TYW1: variants seen among roughly 807,000 people sequenced by gnomAD.
TYW1 encodes the protein S-adenosyl-L-methionine-dependent tRNA 4-demethylwyosine synthase TYW1.
In TYW1, 46 loss-of-function variants were observed where a neutral mutation model predicts 96.2. The observed-to-expected ratio is 0.48, with a 90% confidence interval of 0.38 to 0.61. The LOEUF (loss-of-function observed/expected upper bound fraction) is 0.61. TYW1 is among the 20% of genes least tolerant of loss of function. TYW1 has a pLI of 0.00. For synonymous variants in TYW1, 274 were observed against 323.0 expected (o/e 0.85, Z 1.63); for missense variants, 684 against 909.6 (o/e 0.75, Z 3.19).
chr7:67,124,953 G>A (rs372767613), intron 13 of TYW1, among the ~76,000 whole-genome samples: 1 of 151,980 alleles, frequency 6.6e-6, no homozygotes, highest in East Asian at 1.9e-4. Context: ...TCCTGCCTCA[G>A]CTCCCAAGTA....
chr7:67,238,374 T>C lies in TYW1; in HGVS notation c.2044T>C (p.Tyr682His), dbSNP rs767358481. The stretch of plus-strand genomic sequence containing the variant: ...CCGCTTCCAGGAGCTCATCCAGGAA[T>C]ATGAAGATAGTGGTGGATCAAAAAC... Reference protein sequence around the residue: ...YNRFQELIQEYEDSGGSKTFS... With the variant: ...YNRFQELIQEHEDSGGSKTFS... Residue 682 changes from tyrosine (Y) to histidine (H), a missense_variant, in exon 16 of 16, where the codon TAT (tyrosine) becomes CAT (histidine). Tyr to His is a moderately conservative substitution (Grantham distance 83). Transcript: ENST00000359626. 3.1e-6 allele frequency: 5 copies of C among 1,613,584 alleles called. No homozygotes were observed. The South Asian group carries it at 4.4e-5, about 14-fold the overall frequency.
intron 13 of TYW1, among the ~76,000 whole-genome samples, chr7:67,173,537 A>T (rs926334780): frequency 9.2e-5 from 14 of 152,184 alleles, no homozygotes; most frequent in Admixed American, 3.3e-4. Context: ...GTTAAGATTG[A>T]TTAGTAGATT....
At chr7:67,195,098 G>C in intron 14 of TYW1, 72 bp from the exon 15 acceptor site, 1 of 1,545,376 alleles carries the variant, frequency 6.5e-7, no homozygotes, top group Non-Finnish European at 8.7e-7. Context: ...AGGTTTTCCG[G>C]CTCTGAAAGT....
At chr7:67,083,271 A>C (rs931109106) in intron 10 of TYW1, among the ~76,000 whole-genome samples, 159 bp from the exon 11 acceptor site, 2 of 152,178 alleles carry the variant, frequency 1.3e-5, no homozygotes, top group Non-Finnish European at 2.9e-5. Context: ...GGGTGTCATG[A>C]TTTAAAATAA....
At chr7:67,042,869 C>G (rs977032183) in intron 7 of TYW1, among the ~76,000 whole-genome samples, 1 of 151,836 alleles carries the variant, frequency 6.6e-6, no homozygotes, top group Non-Finnish European at 1.5e-5. Flanking sequence ...TGGTGGCACA[C>G]GCCTGTAATC....
At position 67,009,630 on chromosome 7, in the gene TYW1, T is replaced by C. The variant is rs773619559; in HGVS notation, c.321T>C (p.Pro107=). The part of the protein sequence containing the change: ...LAEAVTSLDL[P]VAIINLKEYD... ...AAGCAGTTACATCCCTGGATCTGCC[T>C]GTGGCCATTATTAATCTAAAAGAAT... The change falls in exon 4 of 16, where the codon CCT becomes CCC. Residue 107 remains proline, a synonymous_variant. Transcript: ENST00000359626. 3 of 1,612,628 alleles carry C rather than the reference T, an allele frequency of 1.9e-6. No individual in the cohort carries two copies. The highest frequency in any genetic ancestry group is 2.2e-5 in the South Asian group (2 of 90,342).
chr7:67,073,730 C>G (rs1030129920), intron 10 of TYW1, among the ~76,000 whole-genome samples: 2 of 131,790 alleles, frequency 1.5e-5, no homozygotes, highest in African/African-American at 5.8e-5. Flanking sequence ...GCTATCATGC[C>G]ACTGCACTCC....
At chr7:67,047,404 T>C (rs1309264940) in intron 7 of TYW1, among the ~76,000 whole-genome samples, 5 of 152,182 alleles carry the variant, frequency 3.3e-5, no homozygotes, top group Admixed American at 3.3e-4. Context: ...TTTTAAACTA[T>C]CTTAATAAAA....
At chr7:67,016,980 AT>A (rs35358824) in intron 5 of TYW1, among the ~76,000 whole-genome samples, 360 of 121,738 alleles carry the variant, frequency 3.0e-3, no homozygotes, top group African/African-American at 8.4e-3. Context: ...AGATATGTAA[AT>A]TTTTTTTTTT....
chr7:67,228,972 C>A (rs1377697069), intron 15 of TYW1, among the ~76,000 whole-genome samples: 1 of 152,152 alleles, frequency 6.6e-6, no homozygotes, highest in Non-Finnish European at 1.5e-5. Flanking sequence ...GGAACTAGTT[C>A]ATGTAATGGG....
At chr7:67,072,691 C>T (rs1796066460) in intron 10 of TYW1, among the ~76,000 whole-genome samples, 1 of 152,056 alleles carries the variant, frequency 6.6e-6, no homozygotes, top group South Asian at 2.1e-4. Flanking sequence ...AAATCCTAGC[C>T]ATCATATTGT....
At chr7:67,226,854 G>A (rs1392287687) in intron 15 of TYW1, among the ~76,000 whole-genome samples, 3 of 151,968 alleles carry the variant, frequency 2.0e-5, no homozygotes, top group Non-Finnish European at 2.9e-5. Flanking sequence ...CTCCCACACA[G>A]TTAACATTAA....
intron 13 of TYW1, among the ~76,000 whole-genome samples, chr7:67,155,722 C>T (rs1319714179): frequency 1.3e-5 from 2 of 152,164 alleles, no homozygotes; most frequent in Non-Finnish European, 1.5e-5. Flanking sequence ...CTGAGCCCGG[C>T]TAAGTATTCT....
At chr7:67,050,310 T>G (rs1339573679) in intron 8 of TYW1, among the ~76,000 whole-genome samples, 6 of 152,296 alleles carry the variant, frequency 3.9e-5, no homozygotes, top group Non-Finnish European at 4.4e-5. Context: ...AGATCAAAAG[T>G]GCTGTCATTG....
intron 10 of TYW1, among the ~76,000 whole-genome samples, chr7:67,076,601 A>G (rs1167805935): frequency 1.3e-5 from 2 of 150,642 alleles, no homozygotes; most frequent in Non-Finnish European, 3.0e-5. Context: ...TCAGCCTCCC[A>G]AGTAGCTGGG....
At chr7:67,083,666 C>T (rs577723035) in intron 11 of TYW1, 127 bp downstream of exon 11, 1 of 998,204 alleles carries the variant, frequency 1.0e-6, no homozygotes, top group Admixed American at 2.7e-5. Context: ...GAAGTGAAAA[C>T]TTTGTAGGAA....
At chr7:67,145,349 C>G (rs1269668429) in intron 13 of TYW1, among the ~76,000 whole-genome samples, 1 of 151,908 alleles carries the variant, frequency 6.6e-6, no homozygotes, top group Non-Finnish European at 1.5e-5. Flanking sequence ...CGGGGTTTCA[C>G]CGTGTTAGCC....
intron 7 of TYW1, among the ~76,000 whole-genome samples, chr7:67,041,499 C>A (rs1367990725): frequency 6.6e-6 from 1 of 152,100 alleles, no homozygotes; most frequent in African/African-American, 2.4e-5. Context: ...AGTGCCTCGC[C>A]ATGTTGGCCA....
intron 7 of TYW1, among the ~76,000 whole-genome samples, chr7:67,027,590 T>C (rs1487984081): frequency 1.3e-5 from 2 of 152,146 alleles, no homozygotes; most frequent in African/African-American, 4.8e-5. Context: ...GCCTCTTATA[T>C]CTCAGACAAG....
Sources: allele counts gnomAD v4.1 joint callset (sites outside exome capture counted in the v4.1 genomes callset), GRCh38; gene constraint gnomAD v4.1.1; transcripts MANE v1.5; gene names NCBI Gene and HGNC (gene_info 2026-07-23, HGNC 2026-07-21).